SNX29: variants seen among roughly 807,000 people sequenced by gnomAD.
SNX29 encodes sorting nexin 29, also known as sorting nexin-29.
In SNX29, 78 loss-of-function variants were observed where a neutral mutation model predicts 102.1. The ratio of observed to expected loss-of-function variants is 0.76; its 90% CI spans 0.64 to 0.92. The LOEUF is 0.92. Ranked by LOEUF, SNX29 falls within the 40% of genes least tolerant of loss-of-function variation. SNX29 has a pLI of 0.00. For synonymous variants in SNX29, 580 were observed against 414.5 expected (o/e 1.40, Z -4.85); for missense variants, 1,280 against 1,061.7 (o/e 1.21, Z -2.86).
Position 12,096,131 on chromosome 16 carries a change from A to G in SNX29, c.1402+17216A>G, listed in dbSNP as rs2052756926. 4.6e-5 allele frequency among the ~76,000 whole-genome samples: 7 copies of G among 152,328 alleles called. No homozygotes were observed. In the South Asian group the frequency reaches 1.5e-3, roughly 32 times the overall value. ...CTGCAGTCTGAGCCCCCTGCCCCTT[A>G]ACTGCCGAGAAGTGAACCTAGGTGA... On this transcript the variant is annotated intron_variant, in intron 11 of 20. Coordinates refer to ENST00000566228, the MANE Select transcript of SNX29 (RefSeq NM_032167.5). The surrounding 1 kb of genome is among the most constrained non-coding windows in gnomAD (Gnocchi z 4.2).
At chr16:12,230,971 C>T (rs1036201387) in intron 14 of SNX29, among the ~76,000 whole-genome samples, 4 of 152,036 alleles carry the variant, frequency 2.6e-5, no homozygotes, top group Admixed American at 6.6e-5. Flanking sequence ...CTCAGCCTCC[C>T]GAGTAGCTGG....
chr16:12,356,817 C>T (rs1237040505), intron 16 of SNX29, among the ~76,000 whole-genome samples: 10 of 152,244 alleles, frequency 6.6e-5, no homozygotes, highest in South Asian at 2.1e-4. Flanking sequence ...TGTCTAGCAG[C>T]GTCCCTGGGT....
chr16:12,561,843 G>A (rs1416374976), intron 20 of SNX29, among the ~76,000 whole-genome samples: 1 of 152,132 alleles, frequency 6.6e-6, no homozygotes, highest in Non-Finnish European at 1.5e-5. Context: ...TGCAGGGGAG[G>A]GGAGGCAGTG....
chr16:12,127,787 C>T (rs1439289527), intron 12 of SNX29, among the ~76,000 whole-genome samples: 1 of 152,140 alleles, frequency 6.6e-6, no homozygotes, highest in Non-Finnish European at 1.5e-5. Context: ...GGCATCTGAG[C>T]ACTTATCTTA....
chr16:12,124,085 C>T (rs917885676), intron 11 of SNX29, among the ~76,000 whole-genome samples: 10 of 152,230 alleles, frequency 6.6e-5, no homozygotes, highest in African/African-American at 2.2e-4. Flanking sequence ...AGCCCGGGCG[C>T]GGGGGCTCAC....
intron 17 of SNX29, among the ~76,000 whole-genome samples, chr16:12,403,202 ATGTGTGTGTGTGTGTGTG>A (rs67193889): frequency 2.5e-4 from 18 of 70,946 alleles, no homozygotes; most frequent in South Asian, 1.9e-3. Flanking sequence ...TTGTGTGTGT[ATGTGTGTGTGTGTGTGTG>A]TGTGTGTGTG....
intron 15 of SNX29, among the ~76,000 whole-genome samples, chr16:12,302,557 G>T (rs1596822692): frequency 6.6e-6 from 1 of 151,532 alleles, no homozygotes; most frequent in African/African-American, 2.5e-5. Flanking sequence ...ATCGTGGAAG[G>T]ACAGGGGGTC....
Position 12,571,955 on chromosome 16 carries a change from T to C in SNX29, c.*3326T>C, listed in dbSNP as rs916429557. ...GAAGACACTTTCAGGGAAGAGGCTC[T>C]TACAGTCTATGGTGGTAGCCATCTT... On this transcript the variant is annotated 3_prime_UTR_variant, in exon 21 of 21. Coordinates refer to ENST00000566228, the MANE Select transcript of SNX29 (RefSeq NM_032167.5). 6.6e-6 allele frequency: 7 copies of C among 1,061,698 alleles called. No individual in the cohort carries two copies. The African/African-American group carries it at 1.2e-4, about 17-fold the overall frequency. The allele number at this position is 1,061,698 out of a possible 1,614,324, so 65.8% of individuals were successfully genotyped here.
In SNX29 at chr16:12,566,347, C is replaced by A. The variant is rs144281913; in HGVS notation, c.2319-2159C>A. Among the ~76,000 whole-genome samples, 3 of 152,176 alleles carry A rather than the reference C, an allele frequency of 2.0e-5. No individual in the cohort carries two copies. The South Asian group carries it at 6.2e-4, about 31-fold the overall frequency. On this transcript the variant is annotated intron_variant, in intron 20 of 20. Transcript: ENST00000566228. ...TACCCCTTCATAACAGTCACCCCAC[C>A]GACTGCTACCTCTCCTCTCCCAACC...
chr16:12,280,740 C>G (rs369123064), intron 15 of SNX29, among the ~76,000 whole-genome samples: 133 of 152,236 alleles, frequency 8.7e-4, no homozygotes, highest in African/African-American at 3.2e-3. Context: ...TGCTGTTAAT[C>G]GAGACCCTCA....
rs562991536 is a variant in SNX29 at position 12,572,518 on chromosome 16, C to G, written c.*3889C>G. Reference sequence around the variant, plus strand: ...GGCCTCGGCCTTCCTGCTCCACGTGCTCAAGCCCCCACAGGGGGCTGCGAC... The same window carrying G: ...GGCCTCGGCCTTCCTGCTCCACGTGGTCAAGCCCCCACAGGGGGCTGCGAC... On this transcript the variant is annotated 3_prime_UTR_variant, in exon 21 of 21. Transcript: ENST00000566228. 3 of 1,064,092 alleles carry G rather than the reference C, an allele frequency of 2.8e-6. No homozygotes were observed. The highest frequency in any genetic ancestry group is 9.1e-5 in the South Asian group (2 of 21,980). 65.9% of individuals were successfully genotyped at this position (1,064,092 alleles called of 1,614,324 possible).
intron 14 of SNX29, among the ~76,000 whole-genome samples, chr16:12,241,639 T>G (rs1026316791): frequency 6.6e-6 from 1 of 152,096 alleles, no homozygotes; most frequent in Non-Finnish European, 1.5e-5. Flanking sequence ...TTTTTGTATT[T>G]TTAGTAGAGA....
intron 16 of SNX29, among the ~76,000 whole-genome samples, chr16:12,381,944 G>T (rs1454866535): frequency 6.6e-6 from 1 of 150,868 alleles, no homozygotes; most frequent in Non-Finnish European, 1.5e-5. Flanking sequence ...GCATTTCTAA[G>T]AGCTCATAGA....
At chr16:12,185,749 C>T (rs976478047) in intron 13 of SNX29, among the ~76,000 whole-genome samples, 22 of 152,178 alleles carry the variant, frequency 1.4e-4, no homozygotes, top group South Asian at 4.1e-4. Context: ...TATTCAGATT[C>T]GGGACATCTC....
chr16:12,549,902 A>G (rs1305617703), intron 20 of SNX29, among the ~76,000 whole-genome samples: 1 of 152,254 alleles, frequency 6.6e-6, no homozygotes, highest in Non-Finnish European at 1.5e-5. Context: ...TCAGAAAATG[A>G]TGGCCCACAG....
chr16:12,412,479 A>G (rs906183221), intron 18 of SNX29, among the ~76,000 whole-genome samples: 1 of 152,202 alleles, frequency 6.6e-6, no homozygotes, highest in African/African-American at 2.4e-5. Context: ...GGCAGCTGAT[A>G]CTGGTGACAA....
At chr16:12,241,472 T>G (rs1227270191) in intron 14 of SNX29, among the ~76,000 whole-genome samples, 1 of 152,130 alleles carries the variant, frequency 6.6e-6, no homozygotes, top group Non-Finnish European at 1.5e-5. Context: ...TATCTTTTTT[T>G]TTTTGGAGAT....
intron 3 of SNX29, among the ~76,000 whole-genome samples, chr16:12,016,552 C>T (rs2056854513): frequency 6.6e-6 from 1 of 152,144 alleles, no homozygotes; most frequent in Admixed American, 6.6e-5. Context: ...TGGCAGTGAT[C>T]CAGTTTCTCT....
intron 14 of SNX29, among the ~76,000 whole-genome samples, chr16:12,202,813 G>C (rs1354900836): frequency 3.3e-5 from 5 of 152,286 alleles, no homozygotes; most frequent in Admixed American, 6.5e-5. Flanking sequence ...CCTGCCTGCA[G>C]AGAGGCCCCT....
Sources: allele counts gnomAD v4.1 joint callset (sites outside exome capture counted in the v4.1 genomes callset), GRCh38; gene constraint gnomAD v4.1.1; non-coding constraint Gnocchi (gnomAD v3.1); transcripts MANE v1.5; gene names NCBI Gene and HGNC (gene_info 2026-07-23, HGNC 2026-07-21).